PRKCH: variants seen among roughly 807,000 people sequenced by gnomAD.
PRKCH encodes protein kinase C eta.
PRKCH carries 28 observed loss-of-function variants against 82.5 expected under a neutral mutation model. The observed-to-expected ratio is 0.34, with a 90% CI of 0.25 to 0.47. The LOEUF (loss-of-function observed/expected upper bound fraction) is 0.47. PRKCH is among the 20% of genes least tolerant of loss of function. The pLI is 1.00. For synonymous variants in PRKCH, 322 were observed against 327.4 expected (o/e 0.98, Z 0.18); for missense variants, 705 against 881.8 (o/e 0.80, Z 2.54).
At chr14:61,447,975 A>C (rs1054157284) in intron 4 of PRKCH, among the ~76,000 whole-genome samples, 2 of 152,248 alleles carry the variant, frequency 1.3e-5, no homozygotes, top group Non-Finnish European at 2.9e-5. Context: ...GAAAATAGGA[A>C]AACAACAGAG....
chr14:61,311,207 G>A (rs922265716), intron 1 of PRKCH, among the ~76,000 whole-genome samples: 2 of 152,148 alleles, frequency 1.3e-5, no homozygotes, highest in Non-Finnish European at 2.9e-5. Flanking sequence ...AAATTTCTGT[G>A]GCCAGCTTGA....
intron 1 of PRKCH, among the ~76,000 whole-genome samples, chr14:61,296,566 A>G (rs2045407813): frequency 6.6e-6 from 1 of 152,224 alleles, no homozygotes; most frequent in African/African-American, 2.4e-5. Flanking sequence ...AGATACGTTC[A>G]GTAGCCCCAT....
intron 10 of PRKCH, among the ~76,000 whole-genome samples, chr14:61,520,790 G>T (rs2042895601): frequency 1.3e-5 from 2 of 152,182 alleles, no homozygotes; most frequent in Admixed American, 1.3e-4. Flanking sequence ...CTACTGGTGG[G>T]AATATAAATT....
At chr14:61,416,742 T>C (rs1882581355) in intron 2 of PRKCH, among the ~76,000 whole-genome samples, 1 of 152,056 alleles carries the variant, frequency 6.6e-6, no homozygotes, top group African/African-American at 2.4e-5. Context: ...GCAACACCCG[T>C]TGGAGTCTCC....
chr14:61,433,025 C>A (rs1883487204), intron 2 of PRKCH, among the ~76,000 whole-genome samples: 1 of 132,880 alleles, frequency 7.5e-6, no homozygotes, highest in African/African-American at 2.9e-5. Context: ...GTTCCCTCCC[C>A]TCACCCCCCA....
intron 1 of PRKCH, among the ~76,000 whole-genome samples, chr14:61,311,694 G>A (rs1453149571): frequency 2.0e-5 from 3 of 152,216 alleles, no homozygotes; most frequent in Admixed American, 6.5e-5. Context: ...ATAAAGAAAA[G>A]AGGTTTAATT....
intron 11 of PRKCH, among the ~76,000 whole-genome samples, chr14:61,530,016 C>A (rs1263429522): frequency 6.6e-6 from 1 of 152,118 alleles, no homozygotes; most frequent in Non-Finnish European, 1.5e-5. Context: ...TTTGTCTCTA[C>A]TTAGTGATTT....
chr14:61,453,144 T>G, intron 6 of PRKCH, 82 bp from the exon 7 acceptor site: 1 of 1,530,374 alleles, frequency 6.5e-7, no homozygotes, highest in Non-Finnish European at 9.1e-7. Context: ...TATAATCTTT[T>G]AGGCTATTAA....
At chr14:61,233,348 G>C (rs1280521927) in intron 1 of PRKCH, among the ~76,000 whole-genome samples, 1 of 151,270 alleles carries the variant, frequency 6.6e-6, no homozygotes, top group Non-Finnish European at 1.5e-5. Flanking sequence ...CCATAATCAA[G>C]CCACTGCACT....
intron 2 of PRKCH, among the ~76,000 whole-genome samples, chr14:61,441,544 C>T (rs1199121256): frequency 6.6e-6 from 1 of 152,144 alleles, no homozygotes; most frequent in Non-Finnish European, 1.5e-5. Context: ...GACATCTTGG[C>T]ATGGTTATTG....
intron 1 of PRKCH, among the ~76,000 whole-genome samples, chr14:61,225,632 G>T (rs2044691235): frequency 6.6e-6 from 1 of 152,176 alleles, no homozygotes; most frequent in African/African-American, 2.4e-5. Context: ...CGTCTGCTCT[G>T]TTATTGCAGC....
intron 9 of PRKCH, among the ~76,000 whole-genome samples, chr14:61,480,748 C>T (rs17834526): frequency 0.075 from 11,371 of 152,232 alleles, 612 homozygotes; most frequent in Non-Finnish European, 0.11. Flanking sequence ...TGTGAAAGCA[C>T]CCCTAAGTAG....
At chr14:61,293,828 A>T (rs1330126727) in intron 1 of PRKCH, among the ~76,000 whole-genome samples, 1 of 152,194 alleles carries the variant, frequency 6.6e-6, no homozygotes, top group Non-Finnish European at 1.5e-5. Context: ...CTCCAAGGAA[A>T]ATCTTACCAG....
At chr14:61,546,842 A>G (rs2043263885) in intron 12 of PRKCH, among the ~76,000 whole-genome samples, 1 of 152,234 alleles carries the variant, frequency 6.6e-6, no homozygotes, top group Non-Finnish European at 1.5e-5. Flanking sequence ...AGTGTCTTTG[A>G]AATTGAGAAC....
At chr14:61,255,087 A>T (rs916212231) in intron 1 of PRKCH, among the ~76,000 whole-genome samples, 13 of 152,218 alleles carry the variant, frequency 8.5e-5, no homozygotes, top group South Asian at 2.1e-4. Context: ...TTGCTGCGCT[A>T]TCAGGATTAG....
At chr14:61,343,568 A>G (rs968009537) in intron 1 of PRKCH, among the ~76,000 whole-genome samples, 1 of 152,064 alleles carries the variant, frequency 6.6e-6, no homozygotes, top group Non-Finnish European at 1.5e-5. Flanking sequence ...ATTTTTTTTT[A>G]TGTAGCACTT....
intron 7 of PRKCH, among the ~76,000 whole-genome samples, chr14:61,455,545 A>C (rs937970992): frequency 8.5e-5 from 13 of 152,206 alleles, no homozygotes; most frequent in African/African-American, 3.1e-4. Context: ...CAGGATGCCA[A>C]TATTGTGCGG....
intron 1 of PRKCH, among the ~76,000 whole-genome samples, chr14:61,379,686 C>T (rs558194807): frequency 3.2e-4 from 49 of 152,084 alleles, no homozygotes; most frequent in African/African-American, 1.2e-3. Flanking sequence ...CTTGTGGGGC[C>T]GATGACCACT....
At chr14:61,453,163 G>T in intron 6 of PRKCH, 63 bp from the exon 7 acceptor site, 2 of 1,596,296 alleles carry the variant, frequency 1.3e-6, no homozygotes, top group African/African-American at 1.3e-5. Flanking sequence ...AAAGTTCTCT[G>T]TTGCAGCACA....
Sources: gnomAD v4.1 joint callset for allele counts (sites outside exome capture counted in the v4.1 genomes callset) on GRCh38, gnomAD v4.1.1 for gene constraint, MANE v1.5 for transcripts, NCBI Gene and HGNC (gene_info 2026-07-23, HGNC 2026-07-21) for gene names.